The following PTPRF variants were observed in gnomAD, a reference collection of about 807,000 sequenced individuals.
The protein encoded by PTPRF is protein tyrosine phosphatase receptor type F.
In PTPRF, 59 loss-of-function variants were observed where a neutral mutation model predicts 201.8. The ratio of observed to expected loss-of-function variants is 0.29; its 90% CI spans 0.24 to 0.36. The LOEUF (loss-of-function observed/expected upper bound fraction) is 0.36, where lower values mean the gene tolerates loss of function less well. Ranked by LOEUF, PTPRF falls within the 10% of genes least tolerant of loss-of-function variation. The probability of loss-of-function intolerance (pLI) is 1.00; values close to 1 mark genes in which losing one functional copy is unlikely to be tolerated. For missense variants in PTPRF, 2,132 were observed against 2,690.5 expected (o/e 0.79, Z 4.59); for synonymous variants, 1,088 against 1,089.7 (o/e 1.00, Z 0.03).
At chr1:43,531,446 C>G (rs1306250710) in intron 1 of PTPRF, among the ~76,000 whole-genome samples, 2 of 144,006 alleles carry the variant, frequency 1.4e-5, no homozygotes, top group African/African-American at 2.5e-5. Flanking sequence ...CTTGCTCCCC[C>G]TCATCGGTCC....
intron 11 of PTPRF, among the ~76,000 whole-genome samples, chr1:43,593,411 T>A (rs1056450048): frequency 6.6e-6 from 1 of 152,132 alleles, no homozygotes; most frequent in Non-Finnish European, 1.5e-5. Flanking sequence ...CCCCAGACAG[T>A]AGACTGTGTG....
At chr1:43,618,852 A>G in intron 26 of PTPRF, 103 bp downstream of exon 26, 1 of 1,513,754 alleles carries the variant, frequency 6.6e-7, no homozygotes, top group South Asian at 1.2e-5. Context: ...TGGGTGTTGG[A>G]GGGTCGGAGG....
intron 21 of PTPRF, among the ~76,000 whole-genome samples, chr1:43,608,564 T>G (rs1655699233): frequency 6.6e-6 from 1 of 152,174 alleles, no homozygotes; most frequent in Admixed American, 6.5e-5. Flanking sequence ...ATGCTTCTTC[T>G]CTGGGGCACA....
chr1:43,562,698 C>T lies in PTPRF; in HGVS notation c.380-6892C>T, dbSNP rs924842192. ...GAGTGCTGGGATTACAGGCATGAGC[C>T]ACTGCTCCTGGCCAAATTTTAATCA... is the stretch of plus-strand genomic sequence containing the variant. On this transcript the variant is annotated intron_variant, in intron 5 of 33. Transcript: ENST00000359947. Among the ~76,000 whole-genome samples the T allele has an allele frequency of 5.3e-5, 8 of 152,148 alleles. No individual in the cohort carries two copies. In the East Asian group the frequency reaches 7.8e-4, roughly 15 times the overall value.
intron 2 of PTPRF, among the ~76,000 whole-genome samples, chr1:43,543,467 C>A (rs1162507353): frequency 6.6e-6 from 1 of 152,212 alleles, no homozygotes; most frequent in Non-Finnish European, 1.5e-5. Flanking sequence ...CTTCACCGTT[C>A]TTACTTTGTT....
chr1:43,610,908 C>T (rs1231161658), intron 22 of PTPRF, among the ~76,000 whole-genome samples: 1 of 152,218 alleles, frequency 6.6e-6, no homozygotes, highest in Non-Finnish European at 1.5e-5. Context: ...CAGACACACC[C>T]ATTTATTTAT....
At chr1:43,598,627 G>A in intron 12 of PTPRF, 93 bp from the exon 13 acceptor site, 1 of 1,163,312 alleles carries the variant, frequency 8.6e-7, no homozygotes, top group Non-Finnish European at 1.2e-6. Flanking sequence ...TGGGGGAGTG[G>A]GGTGCTGAGG....
Position 43,603,384 on chromosome 1 carries a change from G to A in PTPRF, c.2341-32G>A, listed in dbSNP as rs1654261168. On this transcript the variant is annotated intron_variant, in intron 14 of 33. Transcript: ENST00000359947. This position sits in a 1 kb window ranked among gnomAD's most constrained non-coding sequence, Gnocchi z 5.8. ...AGGTCTGGCCTCTCCCTGCATTCTT[G>A]TGATGGGAACGAACCCCTCCTCCTC... 2.5e-6 allele frequency: 4 copies of A among 1,591,546 alleles called. No individual in the cohort carries two copies. In the Admixed American group the frequency reaches 5.0e-5, roughly 20 times the overall value.
At chr1:43,525,804 C>CAAAAAAAAAA (rs1179056466), upstream of PTPRF, among the ~76,000 whole-genome samples, 6 of 35,570 alleles carry the variant, frequency 1.7e-4, no homozygotes, top group African/African-American at 2.4e-4. Flanking sequence ...GACTCAGTCT[C>CAAAAAAAAAA]AAAAAAAAAA....
chr1:43,584,464 A>G (rs955287974), intron 7 of PTPRF, among the ~76,000 whole-genome samples: 2 of 152,160 alleles, frequency 1.3e-5, no homozygotes, highest in Non-Finnish European at 2.9e-5. Flanking sequence ...CGTCCAGAAA[A>G]CAGTCATCAG....
At chr1:43,544,188 C>T (rs574822163) in intron 2 of PTPRF, among the ~76,000 whole-genome samples, 3 of 152,056 alleles carry the variant, frequency 2.0e-5, no homozygotes, top group East Asian at 3.9e-4. Flanking sequence ...GAGGTTCACA[C>T]CCCATCATCC....
At position 43,603,316 on chromosome 1, in the gene PTPRF, G is replaced by A; in HGVS notation, c.2341-100G>A. 2 of 1,045,608 alleles carry A rather than the reference G, an allele frequency of 1.9e-6. No homozygotes were observed. Among genetic ancestry groups the A allele is most frequent in the Non-Finnish European group, 3.0e-6 (2 of 675,986 alleles). The allele number at this position is 1,045,608 out of a possible 1,614,324, so 64.8% of individuals were successfully genotyped here. ...CCTTCCACAACCCCTGGCCTTGTGT[G>A]CCCCGGGGCTCCCCTCAGGCTAGGG... On this transcript the variant is annotated intron_variant, in intron 14 of 33. Coordinates refer to ENST00000359947, the MANE Select transcript of PTPRF (RefSeq NM_002840.5). The surrounding 1 kb of genome is among the most constrained non-coding windows in gnomAD (Gnocchi z 5.8).
chr1:43,583,345 A>G (rs1648243656), intron 7 of PTPRF, among the ~76,000 whole-genome samples: 1 of 152,144 alleles, frequency 6.6e-6, no homozygotes, highest in Non-Finnish European at 1.5e-5. Context: ...TTCCCCTGCA[A>G]GGGTGGTGGG....
At chr1:43,545,425 C>T (rs1644600398) in intron 3 of PTPRF, among the ~76,000 whole-genome samples, 1 of 152,006 alleles carries the variant, frequency 6.6e-6, no homozygotes, top group Non-Finnish European at 1.5e-5. Context: ...TGAGACCTGT[C>T]CTGGATTCAT....
chr1:43,581,156 G>A (rs1388401813), intron 7 of PTPRF, among the ~76,000 whole-genome samples: 1 of 152,348 alleles, frequency 6.6e-6, no homozygotes, highest in East Asian at 1.9e-4. Context: ...GGGGCTCCCT[G>A]TTTACACATG....
chr1:43,619,438 C>G lies in PTPRF; in HGVS notation c.4797C>G (p.Phe1599Leu). 2 of 1,614,134 alleles carry G rather than the reference C, an allele frequency of 1.2e-6. No individual in the cohort carries two copies. Among genetic ancestry groups the G allele is most frequent in the Non-Finnish European group, 1.7e-6 (2 of 1,180,048 alleles). Residue 1599 changes from phenylalanine to leucine, a missense_variant, in exon 28 of 34, where the codon TTC becomes TTG. By Grantham distance (22) the Phe-to-Leu change is conservative. This residue lies in a region of PTPRF where 519 missense variants were observed against 659.5 expected (regional missense o/e 0.79). Transcript: ENST00000359947. ...YMVQTEDQYV[F>L]IHEALLEAAT... is the part of the protein sequence containing the mutation. ...TGCAGACGGAGGACCAGTACGTGTT[C>G]ATCCATGAGGCGCTGCTGGAGGCTG...
chr1:43,568,187 C>T lies in PTPRF; in HGVS notation c.380-1403C>T, dbSNP rs147140721. ...GTGGGCGCTTGTAATCCCAGCTACT[C>T]GGGAGGCTGAGACAGGAGAATTGCT... On this transcript the variant is annotated intron_variant, in intron 5 of 33. Coordinates refer to ENST00000359947, the MANE Select transcript of PTPRF (RefSeq NM_002840.5). 2.1e-4 allele frequency among the ~76,000 whole-genome samples: 32 copies of T among 151,664 alleles called. No homozygotes were observed. The East Asian group carries it at 2.7e-3, about 13-fold the overall frequency.
chr1:43,525,804 CAAAA>C (rs1179056466), upstream of PTPRF, among the ~76,000 whole-genome samples: 1 of 35,564 alleles, frequency 2.8e-5, no homozygotes, highest in African/African-American at 1.2e-4. Flanking sequence ...GACTCAGTCT[CAAAA>C]AAAAAAAAAA....
rs148741898 is a variant in PTPRF at position 43,617,529 on chromosome 1, G to T, written c.4156G>T (p.Ala1386Ser). The T allele has an allele frequency of 3.3e-4, 535 of 1,613,938 alleles. 2 individuals carry two copies. Among genetic ancestry groups the T allele is most frequent in the Middle Eastern group, 6.6e-4 (4 of 6,084 alleles). ...KPKNRYANVI[A>S]YDHSRVILTS... ...CAAGAACCGCTATGCGAATGTCATC[G>T]CCTACGACCACTCTCGAGTCATCCT... The change falls in exon 24 of 34, where the codon GCC (alanine) becomes TCC (serine). Residue 1386 changes from alanine (A) to serine (S), a missense_variant. By Grantham distance (99) the Ala-to-Ser change is moderately conservative. Around this residue, in one of 6 missense-constraint regions of PTPRF, gnomAD observed 818 missense variants for 915.3 expected, o/e 0.89. Transcript: ENST00000359947.
Sources: gnomAD v4.1 joint callset for allele counts (sites outside exome capture counted in the v4.1 genomes callset) on GRCh38, gnomAD v4.1.1 for gene constraint, gnomAD v4.1.1 regional missense constraint, Gnocchi (gnomAD v3.1) non-coding constraint, MANE v1.5 for transcripts, NCBI Gene and HGNC (gene_info 2026-07-23, HGNC 2026-07-21) for gene names.